Variants in EEFSEC observed in about 807,000 individuals in gnomAD.
EEFSEC encodes the protein selenocysteine-specific elongation factor.
Under a neutral mutation model 42.1 loss-of-function variants are expected in EEFSEC, and 43 were observed. The ratio of observed to expected loss-of-function variants is 1.02; its 90% CI spans 0.80 to 1.32. The LOEUF (loss-of-function observed/expected upper bound fraction) is 1.32, where lower values mean the gene tolerates loss of function less well. EEFSEC is among the 40% of genes most tolerant of loss of function. EEFSEC has a pLI of 0.00. For missense variants in EEFSEC, 745 were observed against 803.6 expected (o/e 0.93, Z 0.88); for synonymous variants, 354 against 339.1 (o/e 1.04, Z -0.48).
chr3:128,347,082 C>G (rs2067320727), intron 5 of EEFSEC, among the ~76,000 whole-genome samples: 1 of 152,232 alleles, frequency 6.6e-6, no homozygotes, highest in African/African-American at 2.4e-5. Flanking sequence ...AAGCATTAAA[C>G]CCTCTCAGCA....
At chr3:128,358,495 G>A in intron 6 of EEFSEC, 122 bp downstream of exon 6, 1 of 1,406,430 alleles carries the variant, frequency 7.1e-7, no homozygotes, top group Non-Finnish European at 9.6e-7. Flanking sequence ...CCGAGACACG[G>A]GGTGACTTGG....
At chr3:128,158,363 A>G (rs1944415572) in intron 1 of EEFSEC, among the ~76,000 whole-genome samples, 1 of 152,278 alleles carries the variant, frequency 6.6e-6, no homozygotes, top group Admixed American at 6.5e-5. Context: ...GACTGACTCC[A>G]GTTTTGAAAG....
chr3:128,182,878 C>CGGGGGGG (rs1262106998), intron 1 of EEFSEC, among the ~76,000 whole-genome samples: 1 of 4,566 alleles, frequency 2.2e-4, no homozygotes, highest in African/African-American at 6.1e-4. Context: ...CCACAGAGAT[C>CGGGGGGG]GGGGCGGGGG....
chr3:128,347,282 AG>A (rs1041902100), intron 5 of EEFSEC, among the ~76,000 whole-genome samples: 3 of 151,748 alleles, frequency 2.0e-5, no homozygotes, highest in African/African-American at 7.3e-5. Context: ...AAAGAAGAAG[AG>A]GGAGCTTGGA....
intron 2 of EEFSEC, among the ~76,000 whole-genome samples, chr3:128,257,732 G>T (rs957912314): frequency 2.6e-5 from 4 of 152,244 alleles, no homozygotes; most frequent in Middle Eastern, 3.4e-3. Flanking sequence ...GCTTATAACG[G>T]GCATTACCAA....
chr3:128,339,547 T>C lies in EEFSEC; in HGVS notation c.787-1686T>C, dbSNP rs143072650. The stretch of plus-strand genomic sequence containing the variant: ...TTTCAGGAACTTTTATTGGAGACTT[T>C]TCTATGTCTGTTCCTGATTTACAAA... On this transcript the variant is annotated intron_variant, in intron 4 of 6. Coordinates refer to ENST00000254730, the MANE Select transcript of EEFSEC (RefSeq NM_021937.5). Among the ~76,000 whole-genome samples, 11 of 152,364 alleles carry C rather than the reference T, an allele frequency of 7.2e-5. No homozygotes were observed. In the East Asian group the frequency reaches 1.9e-3, roughly 27 times the overall value.
chr3:128,203,362 C>G (rs940026012), intron 1 of EEFSEC, among the ~76,000 whole-genome samples: 5 of 152,176 alleles, frequency 3.3e-5, no homozygotes, highest in African/African-American at 1.2e-4. Flanking sequence ...AGGCTATTTC[C>G]TTAAAGTGAT....
chr3:128,424,770 C>T, the EEFSEC span, among the ~76,000 whole-genome samples: 1 of 152,126 alleles, frequency 6.6e-6, no homozygotes, highest in Non-Finnish European at 1.5e-5. Context: ...TCCATACCCA[C>T]CACAACAAAC....
intron 1 of EEFSEC, among the ~76,000 whole-genome samples, chr3:128,208,495 A>G (rs1433649632): frequency 2.6e-5 from 4 of 152,170 alleles, no homozygotes; most frequent in African/African-American, 9.7e-5. Flanking sequence ...CACACCTTCA[A>G]CCTGAAGAAT....
chr3:128,368,435 CA>C (rs1428054422), intron 6 of EEFSEC, among the ~76,000 whole-genome samples: 2 of 129,324 alleles, frequency 1.5e-5, no homozygotes, highest in East Asian at 2.2e-4. Context: ...ACTCCATCTC[CA>C]AAAAAAACAA....
chr3:128,384,293 T>C (rs2067811968), intron 6 of EEFSEC, among the ~76,000 whole-genome samples: 1 of 152,212 alleles, frequency 6.6e-6, no homozygotes, highest in South Asian at 2.1e-4. Context: ...ACCAGATACC[T>C]AAATGCTGGA....
chr3:128,158,061 C>G (rs1022407804), intron 1 of EEFSEC, among the ~76,000 whole-genome samples: 5 of 152,146 alleles, frequency 3.3e-5, no homozygotes, highest in African/African-American at 1.2e-4. Context: ...TTCCAACCCT[C>G]ATGGATGACT....
At chr3:128,342,122 T>C (rs1427795065) in intron 5 of EEFSEC, among the ~76,000 whole-genome samples, 1 of 152,218 alleles carries the variant, frequency 6.6e-6, no homozygotes, top group Non-Finnish European at 1.5e-5. Context: ...ACCCCCACTG[T>C]ACCCAATCCC....
At chr3:128,230,273 G>T (rs1001343340) in intron 1 of EEFSEC, among the ~76,000 whole-genome samples, 4 of 152,162 alleles carry the variant, frequency 2.6e-5, no homozygotes, top group Admixed American at 2.0e-4. Flanking sequence ...AACCTTCAGA[G>T]TAGCCAGGAC....
At chr3:128,171,219 T>G (rs979440869) in intron 1 of EEFSEC, among the ~76,000 whole-genome samples, 2 of 152,238 alleles carry the variant, frequency 1.3e-5, no homozygotes, top group African/African-American at 4.8e-5. Flanking sequence ...CAAGACAAAA[T>G]AAACTGTAGG....
At chr3:128,246,543 G>A (rs906118115) in intron 1 of EEFSEC, among the ~76,000 whole-genome samples, 2 of 152,120 alleles carry the variant, frequency 1.3e-5, no homozygotes, top group African/African-American at 2.4e-5. Flanking sequence ...AGAAAGGCAC[G>A]GGTTTTGGAG....
intron 6 of EEFSEC, among the ~76,000 whole-genome samples, chr3:128,377,533 G>A (rs1389382953): frequency 6.6e-6 from 1 of 152,258 alleles, no homozygotes; most frequent in Admixed American, 6.5e-5. Flanking sequence ...AATAGCAAGA[G>A]CTGTGTTCAG....
chr3:128,161,863 G>C (rs541003187), intron 1 of EEFSEC, among the ~76,000 whole-genome samples: 132 of 152,276 alleles, frequency 8.7e-4, no homozygotes, highest in Admixed American at 3.8e-3. Context: ...ATACCCGTTA[G>C]GCATCTGCAC....
At chr3:128,327,164 C>T (rs1396970754) in intron 4 of EEFSEC, among the ~76,000 whole-genome samples, 1 of 152,132 alleles carries the variant, frequency 6.6e-6, no homozygotes, top group Non-Finnish European at 1.5e-5. Context: ...AGACTGCTGC[C>T]CTGTCTTTGT....
Sources: gnomAD v4.1 joint callset for allele counts (sites outside exome capture counted in the v4.1 genomes callset) on GRCh38, gnomAD v4.1.1 for gene constraint, MANE v1.5 for transcripts, NCBI Gene and HGNC (gene_info 2026-07-23, HGNC 2026-07-21) for gene names.